Variants in AGBL4 observed in about 807,000 individuals in gnomAD.
The protein encoded by AGBL4 is AGBL carboxypeptidase 4, also known as cytosolic carboxypeptidase 6.
AGBL4 carries 58 observed loss-of-function variants against 66.4 expected under a neutral mutation model. The ratio of observed to expected loss-of-function variants is 0.87; its 90% CI spans 0.71 to 1.09. The LOEUF (loss-of-function observed/expected upper bound fraction) is 1.09. Ranked by LOEUF, AGBL4 falls within the 50% of genes least tolerant of loss-of-function variation. AGBL4 has a pLI of 0.00. For missense variants in AGBL4, 579 were observed against 631.0 expected (o/e 0.92, Z 0.88); for synonymous variants, 234 against 222.9 (o/e 1.05, Z -0.44).
At position 49,849,234 on chromosome 1, in the gene AGBL4, A is replaced by G. The variant is rs564885490; in HGVS notation, c.157+2162T>C. On this transcript the variant is annotated intron_variant, in intron 2 of 13. Coordinates refer to ENST00000371839, the MANE Select transcript of AGBL4 (RefSeq NM_032785.4). ...TAAACACCAGCCTGGCAGAGTGCAT[A>G]TGTTAACATGAGGGCATTGATTTGG... Among the ~76,000 whole-genome samples, 44 of 152,130 alleles carry G rather than the reference A, an allele frequency of 2.9e-4. 2 individuals carry two copies. The South Asian group carries it at 8.7e-3, about 30-fold the overall frequency.
At chr1:49,186,054 TC>T (rs2148196030) in intron 4 of AGBL4, among the ~76,000 whole-genome samples, 1 of 152,114 alleles carries the variant, frequency 6.6e-6, no homozygotes, top group South Asian at 2.1e-4. Context: ...GGACTAGAGT[TC>T]CCCGATGCTC....
At chr1:49,900,636 ACTAATGC>A (rs1649676112) in intron 1 of AGBL4, among the ~76,000 whole-genome samples, 1 of 152,170 alleles carries the variant, frequency 6.6e-6, no homozygotes, top group Non-Finnish European at 1.5e-5. Context: ...CAAATATCAC[ACTAATGC>A]CTAAAGCCAC....
chr1:48,615,101 G>A (rs1645297420), intron 9 of AGBL4, among the ~76,000 whole-genome samples: 1 of 152,138 alleles, frequency 6.6e-6, no homozygotes, highest in African/African-American at 2.4e-5. Flanking sequence ...GGGTGCAAGT[G>A]CAGGGATGGG....
At chr1:49,856,927 G>A (rs1646448390) in intron 1 of AGBL4, among the ~76,000 whole-genome samples, 1 of 151,640 alleles carries the variant, frequency 6.6e-6, no homozygotes, top group African/African-American at 2.4e-5. Context: ...AAAAAAGGAA[G>A]CCAAATTATC....
intron 3 of AGBL4, among the ~76,000 whole-genome samples, chr1:49,599,164 T>C (rs1644906861): frequency 6.6e-6 from 1 of 152,186 alleles, no homozygotes. Flanking sequence ...TTTCAAATAG[T>C]TTAAGAAGGA....
chr1:49,104,185 T>C (rs749453977), intron 4 of AGBL4, among the ~76,000 whole-genome samples: 9 of 152,198 alleles, frequency 5.9e-5, no homozygotes, highest in Non-Finnish European at 1.3e-4. Context: ...TGGTTCCTCC[T>C]CTGGGAGGCA....
chr1:49,117,691 T>C (rs549698432), intron 4 of AGBL4, among the ~76,000 whole-genome samples: 7 of 152,358 alleles, frequency 4.6e-5, no homozygotes, highest in African/African-American at 1.7e-4. Context: ...TAGGATTGTC[T>C]TGGCAATATG....
chr1:50,012,113 T>G (rs1028576652), intron 1 of AGBL4, among the ~76,000 whole-genome samples: 1 of 146,156 alleles, frequency 6.8e-6, no homozygotes, highest in Non-Finnish European at 1.5e-5. Flanking sequence ...GAGCGGAGAT[T>G]GCGCCACTGC....
At chr1:49,943,981 C>A (rs912173763) in intron 1 of AGBL4, among the ~76,000 whole-genome samples, 2 of 151,970 alleles carry the variant, frequency 1.3e-5, no homozygotes, top group Non-Finnish European at 2.9e-5. Flanking sequence ...TTCGGAGTTT[C>A]ATGGGAACAT....
intron 5 of AGBL4, among the ~76,000 whole-genome samples, chr1:49,033,736 A>T (rs1664415041): frequency 6.6e-6 from 1 of 151,286 alleles, no homozygotes; most frequent in Non-Finnish European, 1.5e-5. Flanking sequence ...CTTCCTCCTT[A>T]TCCTGGCTCT....
At chr1:49,776,334 C>A (rs949145512) in intron 2 of AGBL4, among the ~76,000 whole-genome samples, 1 of 152,140 alleles carries the variant, frequency 6.6e-6, no homozygotes, top group African/African-American at 2.4e-5. Flanking sequence ...CTTCCAATAT[C>A]TTTTCTAGCA....
rs367701475 is a variant in AGBL4, at chr1:49,282,516, AC to A, written c.283-36653del. The stretch of plus-strand genomic sequence containing the variant: ...AAAATATTAAGAAAGTAGGGGGAGG[AC>A]CCAAGATGGCCGAATAGGAACAGCT... On this transcript the variant is annotated intron_variant, in intron 3 of 13. Transcript: ENST00000371839. 5.7e-3 allele frequency among the ~76,000 whole-genome samples: 871 copies of A among 152,276 alleles called. 11 individuals are homozygous for A. Among genetic ancestry groups the A allele is most frequent in the African/African-American group, 0.02 (835 of 41,568 alleles).
chr1:49,881,856 T>C (rs1647362168), intron 1 of AGBL4, among the ~76,000 whole-genome samples: 1 of 151,750 alleles, frequency 6.6e-6, no homozygotes, highest in Non-Finnish European at 1.5e-5. Flanking sequence ...ACTCTGATGG[T>C]AGTTTCTTTT....
At chr1:49,835,010 AAC>A (rs1313734674) in intron 2 of AGBL4, among the ~76,000 whole-genome samples, 1 of 152,230 alleles carries the variant, frequency 6.6e-6, no homozygotes, top group African/African-American at 2.4e-5. Context: ...TCAATTTTAT[AAC>A]AAGTGTGATA....
At chr1:49,557,036 C>G (rs1473720826) in intron 3 of AGBL4, among the ~76,000 whole-genome samples, 2 of 152,110 alleles carry the variant, frequency 1.3e-5, no homozygotes, top group Admixed American at 1.3e-4. Context: ...TCACTCGGAA[C>G]TCGCACTGGC....
intron 3 of AGBL4, among the ~76,000 whole-genome samples, chr1:49,457,014 C>A (rs1037679079): frequency 6.6e-6 from 1 of 151,666 alleles, no homozygotes. Flanking sequence ...TCTGCAATTG[C>A]AAATTATGCT....
chr1:49,260,021 C>T (rs1454771992), intron 3 of AGBL4, among the ~76,000 whole-genome samples: 1 of 151,952 alleles, frequency 6.6e-6, no homozygotes, highest in East Asian at 1.9e-4. Flanking sequence ...AACCGCTCAA[C>T]TACATGGAAA....
intron 3 of AGBL4, among the ~76,000 whole-genome samples, chr1:49,392,396 A>C (rs1644870336): frequency 6.6e-6 from 1 of 152,202 alleles, no homozygotes; most frequent in Admixed American, 6.5e-5. Context: ...TTAAGCCAGG[A>C]ACCGTGTTTC....
chr1:49,775,422 C>G (rs1366281581), intron 2 of AGBL4, among the ~76,000 whole-genome samples: 1 of 151,734 alleles, frequency 6.6e-6, no homozygotes, highest in Non-Finnish European at 1.5e-5. Flanking sequence ...GTAATGGGAT[C>G]CAAAATAGTT....
Sources: gnomAD v4.1 joint callset for allele counts (sites outside exome capture counted in the v4.1 genomes callset) on GRCh38, gnomAD v4.1.1 for gene constraint, MANE v1.5 for transcripts, NCBI Gene and HGNC (gene_info 2026-07-23, HGNC 2026-07-21) for gene names.